Variants in DTNB observed in about 807,000 individuals in gnomAD.
DTNB encodes the protein DTN-B.
Under a neutral mutation model 90.7 loss-of-function variants are expected in DTNB, and 63 were observed. That is an observed-to-expected ratio of 0.69 (90% CI 0.57 to 0.86). The LOEUF is 0.86. Ranked by LOEUF, DTNB falls within the 40% of genes least tolerant of loss-of-function variation. The pLI is 0.00. For synonymous variants in DTNB, 277 were observed against 286.7 expected (o/e 0.97, Z 0.34); for missense variants, 744 against 807.1 (o/e 0.92, Z 0.95).
intron 3 of DTNB, among the ~76,000 whole-genome samples, chr2:25,631,345 G>A (rs1003484840): frequency 6.6e-6 from 1 of 151,966 alleles, no homozygotes; most frequent in Non-Finnish European, 1.5e-5. Context: ...TCCCACTCCT[G>A]GCTTAGCTTG....
At chr2:25,432,275 C>T (rs1236640872) in intron 14 of DTNB, among the ~76,000 whole-genome samples, 1 of 151,600 alleles carries the variant, frequency 6.6e-6, no homozygotes, top group East Asian at 1.9e-4. Flanking sequence ...CAATAAGACC[C>T]TAACAATGGA....
chr2:25,510,308 T>C (rs1403243063), intron 9 of DTNB, among the ~76,000 whole-genome samples: 1 of 152,162 alleles, frequency 6.6e-6, no homozygotes, highest in Non-Finnish European at 1.5e-5. Context: ...CTCCATACTT[T>C]ATACTTTTAA....
At chr2:25,661,687 T>C (rs1289544187) in intron 1 of DTNB, among the ~76,000 whole-genome samples, 1 of 152,218 alleles carries the variant, frequency 6.6e-6, no homozygotes, top group Non-Finnish European at 1.5e-5. Context: ...AGTATCTGTT[T>C]AATTCTGCAA....
At chr2:25,656,864 T>C (rs2148974753) in intron 1 of DTNB, among the ~76,000 whole-genome samples, 1 of 152,204 alleles carries the variant, frequency 6.6e-6, no homozygotes, top group Non-Finnish European at 1.5e-5. Flanking sequence ...GTAAGAGAAG[T>C]TTCTTAAATC....
intron 19 of DTNB, among the ~76,000 whole-genome samples, chr2:25,380,179 T>C (rs2037209371): frequency 6.6e-6 from 1 of 152,224 alleles, no homozygotes; most frequent in Non-Finnish European, 1.5e-5. Flanking sequence ...GTTTGCCTGA[T>C]GGTGCTGACC....
rs541827103 is a variant in DTNB at position 25,567,732 on chromosome 2, G to GA, written c.876+9105dup. 6.2e-3 allele frequency among the ~76,000 whole-genome samples: 937 copies of GA among 152,282 alleles called. 13 individuals carry two copies. The highest frequency in any genetic ancestry group is 0.021 in the African/African-American group (888 of 41,546). ...TTTTGTATCAATGGACATACAGAGT[G>GA]AGAGACTTCCTGCCAAGGAGTAACT... On this transcript the variant is annotated intron_variant, in intron 8 of 20. Transcript: ENST00000406818.
At chr2:25,409,085 T>G (rs1644560105) in intron 16 of DTNB, among the ~76,000 whole-genome samples, 1 of 152,208 alleles carries the variant, frequency 6.6e-6, no homozygotes, top group South Asian at 2.1e-4. Context: ...TATTTTCTTC[T>G]GTCTGGAAAA....
intron 10 of DTNB, among the ~76,000 whole-genome samples, chr2:25,465,371 G>A (rs1294742959): frequency 2.3e-5 from 2 of 87,430 alleles, no homozygotes; most frequent in African/African-American, 1.1e-4. Flanking sequence ...GCGAGACTCC[G>A]TCTCAAAAAA....
At chr2:25,658,199 G>A (rs2082441360) in intron 1 of DTNB, among the ~76,000 whole-genome samples, 1 of 151,334 alleles carries the variant, frequency 6.6e-6, no homozygotes, top group African/African-American at 2.4e-5. Context: ...GGAGGTTGCA[G>A]TGTGCTGAAA....
chr2:25,445,392 G>A (rs1054475905), intron 12 of DTNB, among the ~76,000 whole-genome samples: 21 of 152,102 alleles, frequency 1.4e-4, no homozygotes, highest in Non-Finnish European at 2.8e-4. Context: ...AGTCAGATAC[G>A]TGAGCTGACA....
intron 8 of DTNB, among the ~76,000 whole-genome samples, chr2:25,543,514 G>C (rs938462935): frequency 1.3e-5 from 2 of 152,184 alleles, no homozygotes; most frequent in East Asian, 3.9e-4. Flanking sequence ...ATGTTGGCCA[G>C]GCTGGTCAGG....
intron 12 of DTNB, among the ~76,000 whole-genome samples, chr2:25,439,362 G>A (rs1431927973): frequency 6.6e-6 from 1 of 152,012 alleles, no homozygotes; most frequent in Non-Finnish European, 1.5e-5. Flanking sequence ...AATTAACCAG[G>A]CTTGGTGGCG....
intron 8 of DTNB, among the ~76,000 whole-genome samples, chr2:25,538,388 G>C (rs995251210): frequency 6.6e-6 from 1 of 152,196 alleles, no homozygotes; most frequent in Non-Finnish European, 1.5e-5. Context: ...CTAGGTGACA[G>C]AGTGAGACCC....
intron 16 of DTNB, among the ~76,000 whole-genome samples, chr2:25,410,952 T>G (rs370814984): frequency 6.9e-6 from 1 of 144,404 alleles, no homozygotes; most frequent in Non-Finnish European, 1.6e-5. Flanking sequence ...TTTTTTTTTT[T>G]AAACCCACTG....
chr2:25,482,844 T>C lies in DTNB; in HGVS notation c.1031A>G (p.Asp344Gly), dbSNP rs1359483920. 6.2e-7 allele frequency: 1 copy of C among 1,611,754 alleles called. No individual in the cohort carries two copies. The highest frequency in any genetic ancestry group is 2.2e-5 in the East Asian group (1 of 44,780). The change falls in exon 10 of 21, where the codon GAC becomes GGC. Residue 344 changes from aspartate to glycine, a missense_variant. Transcript: ENST00000406818. ...VPPRPLTNMNDTMVSHMSSGV... is the reference protein window; with the variant it reads ...VPPRPLTNMNGTMVSHMSSGV... ...AGAGGACATGTGGCTAACCATGGTG[T>C]CATTCATATTAGTCAGAGGGCGAGG...
At chr2:25,662,648 A>G (rs969044407) in intron 1 of DTNB, among the ~76,000 whole-genome samples, 10 of 82,032 alleles carry the variant, frequency 1.2e-4, no homozygotes, top group African/African-American at 1.8e-4. Context: ...ACAAATATAC[A>G]AATACACACA....
Position 25,384,292 on chromosome 2 carries a change from G to A in DTNB, c.1826-403C>T, listed in dbSNP as rs149064365. 4.6e-3 allele frequency among the ~76,000 whole-genome samples: 704 copies of A among 152,176 alleles called. 8 individuals are homozygous for A. The highest frequency in any genetic ancestry group is 0.016 in the African/African-American group (652 of 41,504). On this transcript the variant is annotated intron_variant, in intron 18 of 20. Coordinates refer to ENST00000406818, the MANE Select transcript of DTNB (RefSeq NM_021907.5). Reference sequence around the variant, plus strand: ...TGGGGGAATACCTAGATTAACACGGGGTTCTGTTAAAAAAAAAAAATTCCG... The same window carrying A: ...TGGGGGAATACCTAGATTAACACGGAGTTCTGTTAAAAAAAAAAAATTCCG...
chr2:25,396,937 C>T (rs969954674), intron 16 of DTNB, among the ~76,000 whole-genome samples: 13 of 151,926 alleles, frequency 8.6e-5, no homozygotes, highest in Non-Finnish European at 1.9e-4. Context: ...TCAACAATTT[C>T]TGAATTGAAT....
At chr2:25,528,010 A>G (rs1338625389) in intron 9 of DTNB, among the ~76,000 whole-genome samples, 1 of 152,226 alleles carries the variant, frequency 6.6e-6, no homozygotes, top group African/African-American at 2.4e-5. Context: ...TCTAAACAAA[A>G]TATTAGCAAA....
Sources: allele counts gnomAD v4.1 joint callset (sites outside exome capture counted in the v4.1 genomes callset), GRCh38; gene constraint gnomAD v4.1.1; transcripts MANE v1.5; gene names NCBI Gene and HGNC (gene_info 2026-07-23, HGNC 2026-07-21).